Variants in KCNQ1OT1 observed in about 807,000 individuals in gnomAD.
The protein encoded by KCNQ1OT1 is KCNQ1 opposite strand/antisense transcript 1, also known as KCNQ1 antisense RNA 2 (non-protein coding).
exon 1 of KCNQ1OT1, chr11:2,630,296 G>C: frequency 2.5e-6 from 1 of 398,154 alleles, no homozygotes; most frequent in Non-Finnish European, 4.4e-6. Context: ...TTAATGTGCT[G>C]TTAAATTCAG....
In KCNQ1OT1 at chr11:2,677,656, A is replaced by G; in HGVS notation, n.22339T>C. ...TTGTAACTCTAACAACTGTTATTGC[A>G]TATGAGATAAAATAATATTTTAACT... is the stretch of plus-strand genomic sequence containing the variant. On this transcript the variant is annotated non_coding_transcript_exon_variant, in exon 1 of 1. Coordinates refer to ENST00000597346, the Ensembl canonical transcript of KCNQ1OT1. This position sits in a 1 kb window ranked among gnomAD's most constrained non-coding sequence, Gnocchi z 4.5. 5.0e-6 allele frequency: 2 copies of G among 398,614 alleles called. No individual in the cohort carries two copies. The highest frequency in any genetic ancestry group is 3.6e-5 in the East Asian group (1 of 28,072). The allele number at this position is 398,614 out of a possible 1,614,324, so 24.7% of individuals were successfully genotyped here.
exon 1 of KCNQ1OT1, chr11:2,628,106 C>G (rs1190514248): frequency 5.0e-6 from 2 of 398,466 alleles, no homozygotes; most frequent in Non-Finnish European, 4.4e-6. Flanking sequence ...CATGGGAGTG[C>G]AGATACCTCT....
Position 2,642,866 on chromosome 11 carries a change from A to G in KCNQ1OT1, n.57129T>C, listed in dbSNP as rs918157256. ...TTAAGTTTCAGAATGTTGTGCTTCT[A>G]TTTTCACTTGTTTCAGTAAATTTTT... On this transcript the variant is annotated non_coding_transcript_exon_variant, in exon 1 of 1. Coordinates refer to ENST00000597346, the Ensembl canonical transcript of KCNQ1OT1. This position sits in a 1 kb window ranked among gnomAD's most constrained non-coding sequence, Gnocchi z 4.3. The G allele has an allele frequency of 4.3e-5, 17 of 397,490 alleles. No individual in the cohort carries two copies. The highest frequency in any genetic ancestry group is 2.9e-4 in the African/African-American group (14 of 48,514). 24.6% of individuals were successfully genotyped at this position (397,490 alleles called of 1,614,324 possible). A position where few individuals can be genotyped will look rare whatever the true frequency, so the allele number is the denominator to read the frequency against.
rs1475725047 is a variant in KCNQ1OT1 at position 2,654,599 on chromosome 11, G to T, written n.45396C>A. ...AGGAGGGGAAGGGCAGGGGGTGAGTGGTTGGGTGAAGTTACTAGGAAGGGC... is the reference window on the plus strand; with the variant it reads ...AGGAGGGGAAGGGCAGGGGGTGAGTTGTTGGGTGAAGTTACTAGGAAGGGC... On this transcript the variant is annotated non_coding_transcript_exon_variant, in exon 1 of 1. Coordinates refer to ENST00000597346, the Ensembl canonical transcript of KCNQ1OT1. This position sits in a 1 kb window ranked among gnomAD's most constrained non-coding sequence, Gnocchi z 6.4. 2 of 398,682 alleles carry T rather than the reference G, an allele frequency of 5.0e-6. No individual in the cohort carries two copies. The highest frequency in any genetic ancestry group is 3.6e-5 in the East Asian group (1 of 28,100). The allele number at this position is 398,682 out of a possible 1,614,324, so 24.7% of individuals were successfully genotyped here.
exon 1 of KCNQ1OT1, chr11:2,649,315 G>C (rs1267396435): frequency 2.5e-6 from 1 of 397,738 alleles, no homozygotes; most frequent in Non-Finnish European, 4.4e-6. Context: ...GCAATTTTTT[G>C]GTTTTCTGTA....
rs981441402 is a variant in KCNQ1OT1 at position 2,674,396 on chromosome 11, C to T, written n.25599G>A. The T allele has an allele frequency of 1.0e-4, 15 of 148,450 alleles. No individual in the cohort carries two copies. Among genetic ancestry groups the T allele is most frequent in the East Asian group, 2.2e-4 (1 of 4,626 alleles). The allele number at this position is 148,450 out of a possible 1,614,324, so 9.2% of individuals were successfully genotyped here. A position where few individuals can be genotyped will look rare whatever the true frequency, so the allele number is the denominator to read the frequency against. On this transcript the variant is annotated non_coding_transcript_exon_variant, in exon 1 of 1. Coordinates refer to ENST00000597346, the Ensembl canonical transcript of KCNQ1OT1. The surrounding 1 kb of genome is among the most constrained non-coding windows in gnomAD (Gnocchi z 5.9). ...CCTGCTTAGGGAAGGTGCATGCGTG[C>T]GTGTGTGTGTGCGCGCCCGCGCGCA...
exon 1 of KCNQ1OT1, chr11:2,660,313 T>C (rs889708275): frequency 2.5e-6 from 1 of 398,336 alleles, no homozygotes; most frequent in Admixed American, 4.4e-5. Flanking sequence ...TATGTATACA[T>C]ACAACACATT....
Position 2,695,371 on chromosome 11 carries a change from G to C in KCNQ1OT1, n.4624C>G, listed in dbSNP as rs1025234149. On this transcript the variant is annotated non_coding_transcript_exon_variant, in exon 1 of 1. Coordinates refer to ENST00000597346, the Ensembl canonical transcript of KCNQ1OT1. This position sits in a 1 kb window ranked among gnomAD's most constrained non-coding sequence, Gnocchi z 5.2. ...ACTCACGAGCACTCCCTAGTACTGC[G>C]TGTCTGGGTGGTGTGTAATTTTAAT... 2.5e-6 allele frequency: 1 copy of C among 398,402 alleles called. No homozygotes were observed. The highest frequency in any genetic ancestry group is 4.4e-6 in the Non-Finnish European group (1 of 226,076). The allele number at this position is 398,402 out of a possible 1,614,324, so 24.7% of individuals were successfully genotyped here.
At position 2,661,152 on chromosome 11, in the gene KCNQ1OT1, T is replaced by C. The variant is rs1256455756; in HGVS notation, n.38843A>G. ...CAGAGAGGGTGGGCTAGGGATCTAG[T>C]TGGCAGTTAACACTGATGACCTTGG... On this transcript the variant is annotated non_coding_transcript_exon_variant, in exon 1 of 1. Coordinates refer to ENST00000597346, the Ensembl canonical transcript of KCNQ1OT1. This position sits in a 1 kb window ranked among gnomAD's most constrained non-coding sequence, Gnocchi z 5.9. The C allele has an allele frequency of 1.0e-5, 4 of 398,460 alleles. No individual in the cohort carries two copies. The highest frequency in any genetic ancestry group is 1.8e-5 in the Non-Finnish European group (4 of 226,070). The allele number at this position is 398,460 out of a possible 1,614,324, so 24.7% of individuals were successfully genotyped here. A position where few individuals can be genotyped will look rare whatever the true frequency, so the allele number is the denominator to read the frequency against.
chr11:2,692,354 A>G (rs1850602245), exon 1 of KCNQ1OT1: 1 of 398,792 alleles, frequency 2.5e-6, no homozygotes, highest in Admixed American at 4.4e-5. Flanking sequence ...TACTGCAGGC[A>G]TCTCCTAACT....
exon 1 of KCNQ1OT1, chr11:2,631,567 T>C (rs1172717934): frequency 5.0e-6 from 2 of 398,450 alleles, no homozygotes; most frequent in Middle Eastern, 6.2e-4. Context: ...AGGCAATTAA[T>C]GTATCCCAAT....
chr11:2,609,657 C>G lies in KCNQ1OT1; in HGVS notation n.90338G>C, dbSNP rs1848945472. The G allele has an allele frequency of 1.8e-5, 7 of 398,356 alleles. No homozygotes were observed. In the South Asian group the frequency reaches 7.6e-4, roughly 43 times the overall value. 24.7% of individuals were successfully genotyped at this position (398,356 alleles called of 1,614,324 possible). ...ACTACTATTGTTGAATTGGCTATTT[C>G]TCTGTTCAGTTCTGTCAGTTTTTGC... On this transcript the variant is annotated non_coding_transcript_exon_variant, in exon 1 of 1. Transcript: ENST00000597346.
chr11:2,612,427 TTTC>T lies in KCNQ1OT1; in HGVS notation n.87565_87567del. 2.5e-6 allele frequency: 1 copy of T among 398,624 alleles called. No individual in the cohort carries two copies. The highest frequency in any genetic ancestry group is 3.6e-5 in the East Asian group (1 of 28,082). 24.7% of individuals were successfully genotyped at this position (398,624 alleles called of 1,614,324 possible). A position where few individuals can be genotyped will look rare whatever the true frequency, so the allele number is the denominator to read the frequency against. ...GGTATCCAATGGGTATCTCTTCATT[TTTC>T]TTCATTATTTTTCTTTCTATTCTTC... On this transcript the variant is annotated non_coding_transcript_exon_variant, in exon 1 of 1. Transcript: ENST00000597346. This position sits in a 1 kb window ranked among gnomAD's most constrained non-coding sequence, Gnocchi z 5.5.
At chr11:2,685,813 T>C (rs1590031620) in exon 1 of KCNQ1OT1, 1 of 398,684 alleles carries the variant, frequency 2.5e-6, no homozygotes, top group East Asian at 3.6e-5. Flanking sequence ...GAGAATGCGA[T>C]TCCTACTAGA....
rs544615508 is a variant in KCNQ1OT1, at chr11:2,671,125, T to C, written n.28870A>G. On this transcript the variant is annotated non_coding_transcript_exon_variant, in exon 1 of 1. Coordinates refer to ENST00000597346, the Ensembl canonical transcript of KCNQ1OT1. This position sits in a 1 kb window ranked among gnomAD's most constrained non-coding sequence, Gnocchi z 4.7. Reference sequence around the variant, plus strand: ...GTCTGAGCAGTTAGTCTGTCAGGCCTGGTTGGTCCCATGGGAGGCCTGAGG... The same window carrying C: ...GTCTGAGCAGTTAGTCTGTCAGGCCCGGTTGGTCCCATGGGAGGCCTGAGG... The C allele has an allele frequency of 4.5e-5, 18 of 398,470 alleles. No homozygotes were observed. The highest frequency in any genetic ancestry group is 2.5e-4 in the African/African-American group (12 of 48,656). 24.7% of individuals were successfully genotyped at this position (398,470 alleles called of 1,614,324 possible).
exon 1 of KCNQ1OT1, chr11:2,672,297 G>C (rs928742378): frequency 5.0e-6 from 2 of 398,548 alleles, no homozygotes; most frequent in African/African-American, 2.1e-5. Context: ...TGGGTGTGTG[G>C]GCTCCAGGTG....
In KCNQ1OT1 at chr11:2,679,880, C is replaced by T. The variant is rs530596774; in HGVS notation, n.20115G>A. ...TTTTCATATAAACTTAGAACTAGCA[C>T]GCCTAATTTTTTTTTTATTTTTATT... is the stretch of plus-strand genomic sequence containing the variant. On this transcript the variant is annotated non_coding_transcript_exon_variant, in exon 1 of 1. Coordinates refer to ENST00000597346, the Ensembl canonical transcript of KCNQ1OT1. This position sits in a 1 kb window ranked among gnomAD's most constrained non-coding sequence, Gnocchi z 4.8. The T allele has an allele frequency of 1.7e-4, 66 of 398,176 alleles. No individual in the cohort carries two copies. The highest frequency in any genetic ancestry group is 6.3e-4 in the Middle Eastern group (1 of 1,588). 24.7% of individuals were successfully genotyped at this position (398,176 alleles called of 1,614,324 possible). A position where few individuals can be genotyped will look rare whatever the true frequency, so the allele number is the denominator to read the frequency against.
exon 1 of KCNQ1OT1, chr11:2,643,749 C>T: frequency 2.5e-6 from 1 of 398,570 alleles, no homozygotes; most frequent in Non-Finnish European, 4.4e-6. Context: ...TCCTGTAAGA[C>T]TCCCTTAAGC....
In KCNQ1OT1 at chr11:2,663,025, T is replaced by C. The variant is rs939661395; in HGVS notation, n.36970A>G. 7.5e-6 allele frequency: 3 copies of C among 398,534 alleles called. No homozygotes were observed. The highest frequency in any genetic ancestry group is 1.3e-5 in the Non-Finnish European group (3 of 226,134). The allele number at this position is 398,534 out of a possible 1,614,324, so 24.7% of individuals were successfully genotyped here. On this transcript the variant is annotated non_coding_transcript_exon_variant, in exon 1 of 1. Transcript: ENST00000597346. This position sits in a 1 kb window ranked among gnomAD's most constrained non-coding sequence, Gnocchi z 5.2. ...AAATCACTGAGGAAATCGGGACCCA[T>C]GGTGCTGGGGGCTGCAGGTGTAACC...
Sources: gnomAD v4.1 joint callset for allele counts on GRCh38, gnomAD v4.1.1 for gene constraint, Gnocchi (gnomAD v3.1) non-coding constraint, MANE v1.5 for transcripts, NCBI Gene and HGNC (gene_info 2026-07-23, HGNC 2026-07-21) for gene names.